The following COMMD7 variants were observed in gnomAD, a reference collection of about 807,000 sequenced individuals.
COMMD7 encodes COMM domain-containing protein 7.
Under a neutral mutation model 34.8 loss-of-function variants are expected in COMMD7, and 28 were observed. That is an observed-to-expected ratio of 0.80 (90% CI 0.60 to 1.10). COMMD7 has a LOEUF of 1.10. Ranked by LOEUF, COMMD7 falls within the 50% of genes least tolerant of loss-of-function variation. COMMD7 has a pLI of 0.00. For missense variants in COMMD7, 211 were observed against 241.6 expected, an observed-to-expected ratio of 0.87 and a Z score of 0.84; for synonymous variants, 80 against 86.4, an observed-to-expected ratio of 0.93 and a Z score of 0.41.
At chr20:32,704,981 T>G in intron 5 of COMMD7, 77 bp from the exon 6 acceptor site, 2 of 1,023,996 alleles carry the variant, frequency 2.0e-6, no homozygotes, top group Non-Finnish European at 3.0e-6. Context: ...AACATTGCAA[T>G]ATTTAGCATT....
At chr20:32,726,860 G>A (rs1318597862) in intron 3 of COMMD7, among the ~76,000 whole-genome samples, 2 of 152,078 alleles carry the variant, frequency 1.3e-5, no homozygotes, top group African/African-American at 2.4e-5. Context: ...ACAATACAGG[G>A]CAAAGGAAAG....
chr20:32,727,687 GCTGTGCTGCAC>G (rs11466891), intron 3 of COMMD7, among the ~76,000 whole-genome samples, 195 bp downstream of exon 3: 103,716 of 151,400 alleles, frequency 0.69, 36,232 homozygotes, highest in Middle Eastern at 0.82. Flanking sequence ...GAACTTTCCA[GCTGTGCTGCAC>G]CACAGCACAC....
At chr20:32,740,425 T>C (rs1986376168) in intron 1 of COMMD7, among the ~76,000 whole-genome samples, 1 of 152,076 alleles carries the variant, frequency 6.6e-6, no homozygotes. Context: ...TATTTGTATA[T>C]GGGTAAGATA....
chr20:32,705,865 G>A (rs1984047591), intron 5 of COMMD7, among the ~76,000 whole-genome samples: 1 of 152,112 alleles, frequency 6.6e-6, no homozygotes, highest in African/African-American at 2.4e-5. Flanking sequence ...AGGTGGTTTG[G>A]CCTTACTTGG....
intron 5 of COMMD7, 150 bp downstream of exon 5, chr20:32,706,433 A>G (rs1008431640): frequency 1.4e-4 from 89 of 628,808 alleles, no homozygotes; most frequent in Non-Finnish European, 2.2e-4. Context: ...GAATCACTTG[A>G]ACCCGAGAGG....
intron 3 of COMMD7, among the ~76,000 whole-genome samples, chr20:32,719,071 T>C (rs554215929): frequency 6.6e-6 from 1 of 152,306 alleles, no homozygotes; most frequent in South Asian, 2.1e-4. Flanking sequence ...AAGAGGACAC[T>C]GATGAGGGCC....
At chr20:32,703,580 T>C (rs1368726840) in intron 8 of COMMD7, 122 bp from the exon 9 acceptor site, 9 of 1,462,312 alleles carry the variant, frequency 6.2e-6, no homozygotes, top group Non-Finnish European at 8.1e-6. Context: ...TAAGCAGCTC[T>C]TGATGGGTAA....
At chr20:32,706,328 AC>A (rs1984077724) in intron 5 of COMMD7, among the ~76,000 whole-genome samples, 1 of 151,952 alleles carries the variant, frequency 6.6e-6, no homozygotes, top group Non-Finnish European at 1.5e-5. Flanking sequence ...CCTGGCTAAC[AC>A]AGCGAAACCC....
chr20:32,735,099 A>G (rs950725613), intron 1 of COMMD7, among the ~76,000 whole-genome samples: 1 of 150,704 alleles, frequency 6.6e-6, no homozygotes, highest in African/African-American at 2.4e-5. Flanking sequence ...TTAGCTGGGC[A>G]TAATGGTGAG....
chr20:32,703,252 TGGGCCCCATGGAGCCAGCA>T lies in COMMD7; in HGVS notation c.*111_*129del, dbSNP rs1176614637. 72 of 749,674 alleles carry T rather than the reference TGGGCCCCATGGAGCCAGCA, an allele frequency of 9.6e-5. No individual in the cohort carries two copies. The East Asian group carries it at 1.4e-3, about 15-fold the overall frequency. The allele number at this position is 749,674 out of a possible 1,614,324, so 46.4% of individuals were successfully genotyped here. ...CTGTTTTTCAGAAACCCTTTGCACC[TGGGCCCCATGGAGCCAGCA>T]GGGCCCCATGGAGCATCCCACAGGC... On this transcript the variant is annotated 3_prime_UTR_variant, in exon 9 of 9. Transcript: ENST00000278980.
In COMMD7 at chr20:32,721,186, G is replaced by C. The variant is rs896207678; in HGVS notation, c.241+6707C>G. Reference sequence around the variant, plus strand: ...TGAAGGCAATCTAACAGGATACAGTGGGGGGCCAAGTGCGGTGGCTCATGC... The same window carrying C: ...TGAAGGCAATCTAACAGGATACAGTCGGGGGCCAAGTGCGGTGGCTCATGC... On this transcript the variant is annotated intron_variant, in intron 3 of 8. Transcript: ENST00000278980. Among the ~76,000 whole-genome samples, 13 of 152,124 alleles carry C rather than the reference G, an allele frequency of 8.5e-5. No individual in the cohort carries two copies. In the South Asian group the frequency reaches 1.7e-3, roughly 19 times the overall value.
rs1983883471 is a variant in COMMD7, at chr20:32,703,717, G to C, written c.527-259C>G. ...AAAGAGATGAAAGGGTATCATTCGG[G>C]ATGTTCAATGTGACTTCTATGGCAA... On this transcript the variant is annotated intron_variant, in intron 8 of 8. Coordinates refer to ENST00000278980, the MANE Select transcript of COMMD7 (RefSeq NM_053041.3). 4 of 1,447,356 alleles carry C rather than the reference G, an allele frequency of 2.8e-6. No homozygotes were observed. In the South Asian group the frequency reaches 5.9e-5, roughly 21 times the overall value. 89.7% of individuals were successfully genotyped at this position (1,447,356 alleles called of 1,614,324 possible).
chr20:32,717,796 A>G (rs906849147), intron 3 of COMMD7, among the ~76,000 whole-genome samples: 3 of 152,106 alleles, frequency 2.0e-5, no homozygotes, highest in Admixed American at 2.0e-4. Context: ...CATACTAAAT[A>G]GTACAAGAAA....
chr20:32,734,481 C>CA (rs201879557), intron 1 of COMMD7, among the ~76,000 whole-genome samples: 38 of 146,734 alleles, frequency 2.6e-4, no homozygotes, highest in South Asian at 1.3e-3. Context: ...CAAAACCAAC[C>CA]AAAAAAAAAC....
chr20:32,725,075 T>C (rs1201628610), intron 3 of COMMD7, among the ~76,000 whole-genome samples: 1 of 151,872 alleles, frequency 6.6e-6, no homozygotes, highest in Non-Finnish European at 1.5e-5. Context: ...CACTGTGGCA[T>C]TGTTTGTAAG....
chr20:32,708,412 CA>C (rs1984226125), intron 3 of COMMD7, among the ~76,000 whole-genome samples: 1 of 152,058 alleles, frequency 6.6e-6, no homozygotes, highest in Non-Finnish European at 1.5e-5. Flanking sequence ...CCGGTAAAAT[CA>C]ACCATATAAA....
intron 1 of COMMD7, among the ~76,000 whole-genome samples, chr20:32,738,598 T>C (rs1986268352): frequency 6.6e-6 from 1 of 152,024 alleles, no homozygotes; most frequent in African/African-American, 2.4e-5. Context: ...AAAAAAAATG[T>C]TTTCCTAGAG....
chr20:32,707,816 A>C (rs1195569023), intron 3 of COMMD7, among the ~76,000 whole-genome samples: 2 of 151,984 alleles, frequency 1.3e-5, no homozygotes, highest in African/African-American at 4.8e-5. Context: ...AACCACCTAG[A>C]GCTCCACAAT....
intron 1 of COMMD7, among the ~76,000 whole-genome samples, 158 bp downstream of exon 1, chr20:32,743,150 C>G (rs931933032): frequency 6.6e-6 from 1 of 152,108 alleles, no homozygotes. Flanking sequence ...TCACCTTAGC[C>G]TCGCCCCGAA....
Sources: gnomAD v4.1 joint callset for allele counts (sites outside exome capture counted in the v4.1 genomes callset) on GRCh38, gnomAD v4.1.1 for gene constraint, MANE v1.5 for transcripts, NCBI Gene and HGNC (gene_info 2026-07-23, HGNC 2026-07-21) for gene names.